The following UTRN variants were observed in gnomAD, a reference collection of about 807,000 sequenced individuals.
The protein encoded by UTRN is utrophin, also known as dystrophin-related protein 1.
UTRN carries 283 observed loss-of-function variants against 463.9 expected under a neutral mutation model. That is an observed-to-expected ratio of 0.61 (90% CI 0.55 to 0.67). The LOEUF is 0.67. Among genes scored for constraint, UTRN ranks in the 30% least tolerant of loss-of-function variants. UTRN has a pLI of 0.00. For missense variants in UTRN, 3,922 were observed against 4,084.3 expected, an observed-to-expected ratio of 0.96 and a Z score of 1.08; for synonymous variants, 1,442 against 1,431.5, an observed-to-expected ratio of 1.01 and a Z score of -0.17.
chr6:144,447,516 A>G (rs548958096), intron 15 of UTRN, 86 bp from the exon 16 acceptor site: 2 of 1,489,422 alleles, frequency 1.3e-6, no homozygotes, highest in Non-Finnish European at 1.8e-6. Context: ...TTACTATAAA[A>G]GATACATGTT....
rs1796171277 is a variant in UTRN at position 144,522,243 on chromosome 6, C to G, written c.5733+72C>G. ...GTAGAGGAAGAAATTTGTTCTTGTG[C>G]CTACTTAGATGGTCTATATCTTTTA... On this transcript the variant is annotated intron_variant, in intron 40 of 74. Transcript: ENST00000367545. 6 of 1,256,248 alleles carry G rather than the reference C, an allele frequency of 4.8e-6. No homozygotes were observed. In the Admixed American group the frequency reaches 8.5e-5, roughly 18 times the overall value. 77.8% of individuals were successfully genotyped at this position (1,256,248 alleles called of 1,614,324 possible).
intron 25 of UTRN, among the ~76,000 whole-genome samples, chr6:144,477,268 G>A (rs1314575817): frequency 2.0e-5 from 3 of 152,128 alleles, no homozygotes; most frequent in Non-Finnish European, 4.4e-5. Flanking sequence ...AAGTCAATAT[G>A]AAATATAGGC....
intron 54 of UTRN, among the ~76,000 whole-genome samples, chr6:144,741,294 TG>T (rs1790043794): frequency 6.6e-6 from 1 of 152,198 alleles, no homozygotes. Flanking sequence ...TGTGTTTAGC[TG>T]GGAAGCAGCC....
chr6:144,754,596 C>A, intron 56 of UTRN, 124 bp from the exon 57 acceptor site: 17 of 510,702 alleles, frequency 3.3e-5, no homozygotes, highest in East Asian at 1.0e-4. Context: ...TCCAAGGGGT[C>A]TATATAAACA....
intron 51 of UTRN, among the ~76,000 whole-genome samples, chr6:144,587,719 G>C (rs1165697759): frequency 1.3e-5 from 2 of 152,040 alleles, no homozygotes; most frequent in African/African-American, 4.8e-5. Flanking sequence ...ATCCTGAAGT[G>C]ATCCAGGGCA....
At chr6:144,752,010 T>C in intron 56 of UTRN, 58 bp downstream of exon 56, 2 of 1,472,278 alleles carry the variant, frequency 1.4e-6, no homozygotes, top group Non-Finnish European at 1.8e-6. Flanking sequence ...CTTTAAACCC[T>C]ACCTCACTAT....
chr6:144,847,175 T>C (rs933789447), intron 74 of UTRN, among the ~76,000 whole-genome samples: 2 of 150,792 alleles, frequency 1.3e-5, no homozygotes, highest in African/African-American at 4.9e-5. Flanking sequence ...AAAAAAAAAA[T>C]GACTGGTACC....
intron 29 of UTRN, 30 bp downstream of exon 29, chr6:144,487,727 T>C: frequency 6.4e-7 from 1 of 1,566,648 alleles, no homozygotes; most frequent in Non-Finnish European, 8.7e-7. Context: ...TGGGTGTTGA[T>C]TAGGTATTGA....
intron 65 of UTRN, among the ~76,000 whole-genome samples, chr6:144,820,428 T>G (rs2128753045): frequency 6.6e-6 from 1 of 152,280 alleles, no homozygotes; most frequent in Non-Finnish European, 1.5e-5. Flanking sequence ...CTGGCTTGTG[T>G]GTAGCCAGCA....
chr6:144,768,946 TTG>T (rs1464184548), intron 58 of UTRN, among the ~76,000 whole-genome samples: 3 of 120,208 alleles, frequency 2.5e-5, no homozygotes, highest in African/African-American at 1.1e-4. Flanking sequence ...ACTTTGTTTT[TTG>T]TTTTGTTTTG....
intron 2 of UTRN, among the ~76,000 whole-genome samples, chr6:144,334,099 G>T (rs1335717468): frequency 6.6e-6 from 1 of 152,118 alleles, no homozygotes; most frequent in Non-Finnish European, 1.5e-5. Flanking sequence ...ATTGCTGCTG[G>T]CTAGAGAATG....
intron 61 of UTRN, among the ~76,000 whole-genome samples, chr6:144,788,414 T>G (rs1776469744): frequency 6.6e-6 from 1 of 152,218 alleles, no homozygotes; most frequent in South Asian, 2.1e-4. Context: ...GCTCTTAGTA[T>G]ATAGTTAATT....
chr6:144,309,145 C>T (rs771779125), intron 2 of UTRN, among the ~76,000 whole-genome samples: 4 of 152,330 alleles, frequency 2.6e-5, no homozygotes, highest in East Asian at 1.9e-4. Context: ...ACACCCCACA[C>T]GCTCCTGGTT....
At chr6:144,796,331 C>T (rs1163561066) in intron 63 of UTRN, among the ~76,000 whole-genome samples, 1 of 152,184 alleles carries the variant, frequency 6.6e-6, no homozygotes, top group East Asian at 1.9e-4. Flanking sequence ...GGCTCTACCT[C>T]CTCGTACCAT....
chr6:144,551,581 CA>C (rs1175552144), intron 48 of UTRN, among the ~76,000 whole-genome samples: 1 of 152,100 alleles, frequency 6.6e-6, no homozygotes, highest in Non-Finnish European at 1.5e-5. Context: ...AAAACAACAA[CA>C]AAAAATAAAC....
At chr6:144,846,051 C>T (rs1276232380) in intron 73 of UTRN, among the ~76,000 whole-genome samples, 1 of 151,984 alleles carries the variant, frequency 6.6e-6, no homozygotes, top group East Asian at 1.9e-4. Context: ...CCTCTTTTCC[C>T]CCCAGCATTG....
In UTRN at chr6:144,762,794, T is replaced by C. The variant is rs9403599; in HGVS notation, c.8495+4805T>C. 3.3e-3 allele frequency among the ~76,000 whole-genome samples: 506 copies of C among 152,342 alleles called. 18 individuals carry two copies. In the East Asian group the frequency reaches 0.078, roughly 24 times the overall value. On this transcript the variant is annotated intron_variant, in intron 58 of 74. Transcript: ENST00000367545. ...TAAGATGGCCAACAAAGCTGGCTTA[T>C]AAGTCCTAAGGGACTTGAAACACAG...
intron 23 of UTRN, among the ~76,000 whole-genome samples, chr6:144,473,202 T>C (rs1790848290): frequency 6.6e-6 from 1 of 152,178 alleles, no homozygotes; most frequent in African/African-American, 2.4e-5. Flanking sequence ...ATATATATAG[T>C]AGGTGCTTAA....
chr6:144,381,282 C>G (rs964799308), intron 2 of UTRN, among the ~76,000 whole-genome samples: 1 of 152,142 alleles, frequency 6.6e-6, no homozygotes, highest in Non-Finnish European at 1.5e-5. Context: ...ATTTGGCTTT[C>G]TGTTCATATG....
Sources: allele counts gnomAD v4.1 joint callset (sites outside exome capture counted in the v4.1 genomes callset), GRCh38; gene constraint gnomAD v4.1.1; transcripts MANE v1.5; gene names NCBI Gene and HGNC (gene_info 2026-07-23, HGNC 2026-07-21).